The following HIF1A variants were observed in gnomAD, a reference collection of about 807,000 sequenced individuals.
HIF1A encodes the protein hypoxia inducible factor 1 subunit alpha.
In HIF1A, 24 loss-of-function variants were observed where a neutral mutation model predicts 92.7. The observed-to-expected ratio is 0.26, with a 90% CI of 0.19 to 0.36. HIF1A has a LOEUF of 0.36. Ranked by LOEUF, HIF1A falls within the 10% of genes least tolerant of loss-of-function variation. The probability of loss-of-function intolerance (pLI) is 1.00; values close to 1 mark genes in which losing one functional copy is unlikely to be tolerated. For synonymous variants in HIF1A, 319 were observed against 338.7 expected, an observed-to-expected ratio of 0.94 and a Z score of 0.64; for missense variants, 799 against 998.5, an observed-to-expected ratio of 0.80 and a Z score of 2.69.
At chr14:61,704,974 T>G (rs541063311) in intron 1 of HIF1A, among the ~76,000 whole-genome samples, 10 of 152,296 alleles carry the variant, frequency 6.6e-5, no homozygotes, top group African/African-American at 1.7e-4. Flanking sequence ...TGGGTTTAAG[T>G]TTTGTTATTT....
In HIF1A at chr14:61,746,938, A is replaced by G; in HGVS notation, c.2334A>G (p.Leu778=). The part of the protein sequence containing the change: ...QKTIILIPSD[L]ACRLLGQSMD... The stretch of plus-strand genomic sequence containing the variant: ...GGTATCTCTTTTGTTTTTCAGATTT[A>G]GCATGTAGACTGCTGGGGCAATCAA... Residue 778 remains leucine, a synonymous_variant, in exon 15 of 15, where the codon TTA becomes TTG. Coordinates refer to ENST00000337138, the MANE Select transcript of HIF1A (RefSeq NM_001530.4). The G allele has an allele frequency of 6.3e-7, 1 of 1,599,360 alleles. No individual in the cohort carries two copies. Among genetic ancestry groups the G allele is most frequent in the Non-Finnish European group, 8.5e-7 (1 of 1,175,580 alleles).
chr14:61,735,652 G>A (rs912780139), intron 8 of HIF1A, among the ~76,000 whole-genome samples: 3 of 152,244 alleles, frequency 2.0e-5, no homozygotes, highest in South Asian at 2.1e-4. Context: ...CATTTAATAC[G>A]TTAATTAAAG....
intron 1 of HIF1A, among the ~76,000 whole-genome samples, chr14:61,696,729 A>G (rs558763729): frequency 1.3e-5 from 2 of 152,352 alleles, no homozygotes; most frequent in South Asian, 4.1e-4. Context: ...TGAAAAAAGT[A>G]TATGATGAGT....
intron 12 of HIF1A, among the ~76,000 whole-genome samples, chr14:61,743,695 T>G (rs1400846997): frequency 6.6e-6 from 1 of 152,208 alleles, no homozygotes; most frequent in Non-Finnish European, 1.5e-5. Context: ...ATTTGGTTTG[T>G]GGGGTGTCTT....
At chr14:61,716,590 T>A (rs1425943545) in intron 1 of HIF1A, among the ~76,000 whole-genome samples, 1 of 152,158 alleles carries the variant, frequency 6.6e-6, no homozygotes, top group Non-Finnish European at 1.5e-5. Context: ...AATTATTTTG[T>A]GTCCTTTTAT....
At chr14:61,723,793 T>C (rs1033642513) in intron 4 of HIF1A, among the ~76,000 whole-genome samples, 6 of 152,234 alleles carry the variant, frequency 3.9e-5, no homozygotes, top group African/African-American at 1.4e-4. Context: ...TCAGATAGTC[T>C]TAATATAGTT....
At chr14:61,727,948 G>A (rs1170298539) in intron 6 of HIF1A, among the ~76,000 whole-genome samples, 2 of 151,066 alleles carry the variant, frequency 1.3e-5, no homozygotes, top group Admixed American at 6.6e-5. Flanking sequence ...AACCTGGGAG[G>A]TGGATGTTGT....
intron 10 of HIF1A, among the ~76,000 whole-genome samples, chr14:61,739,015 T>C (rs1387551257): frequency 6.6e-6 from 1 of 152,102 alleles, no homozygotes; most frequent in African/African-American, 2.4e-5. Context: ...CCTCCCAAAG[T>C]ACTAGGATTA....
At position 61,695,560 on chromosome 14, in the gene HIF1A, C is replaced by A. The variant is rs117883794; in HGVS notation, c.-245C>A. On this transcript the variant is annotated 5_prime_UTR_variant, in exon 1 of 15. Coordinates refer to ENST00000337138, the MANE Select transcript of HIF1A (RefSeq NM_001530.4). ...GAGGGGACAGGAGGATCACCCTCTTCGTCGCTTCGGCCAGTGTGTCGGGCT... is the reference window on the plus strand; with the variant it reads ...GAGGGGACAGGAGGATCACCCTCTTAGTCGCTTCGGCCAGTGTGTCGGGCT... The A allele has an allele frequency of 0.039, 22,681 of 578,140 alleles. 582 individuals carry two copies. The highest frequency in any genetic ancestry group is 0.056 in the Middle Eastern group (126 of 2,246). The allele number at this position is 578,140 out of a possible 1,614,324, so 35.8% of individuals were successfully genotyped here. A position where few individuals can be genotyped will look rare whatever the true frequency, so the allele number is the denominator to read the frequency against.
chr14:61,702,072 A>G (rs1403479673), intron 1 of HIF1A, among the ~76,000 whole-genome samples: 2 of 152,088 alleles, frequency 1.3e-5, no homozygotes, highest in African/African-American at 2.4e-5. Context: ...GAATTAACAA[A>G]TGAGACAATG....
chr14:61,695,700 G>A lies in HIF1A; in HGVS notation c.-105G>A. The A allele has an allele frequency of 1.6e-6, 2 of 1,288,184 alleles. No homozygotes were observed. Among genetic ancestry groups the A allele is most frequent in the Non-Finnish European group, 2.2e-6 (2 of 922,528 alleles). The allele number at this position is 1,288,184 out of a possible 1,614,324, so 79.8% of individuals were successfully genotyped here. A position where few individuals can be genotyped will look rare whatever the true frequency, so the allele number is the denominator to read the frequency against. ...TTCCCGCCTCGCACCCCCACCTCTGGACTTGCCTTTCCTTCTCTTCTCCGC... is the reference window on the plus strand; with the variant it reads ...TTCCCGCCTCGCACCCCCACCTCTGAACTTGCCTTTCCTTCTCTTCTCCGC... On this transcript the variant is annotated 5_prime_UTR_variant, in exon 1 of 15. Transcript: ENST00000337138.
intron 1 of HIF1A, among the ~76,000 whole-genome samples, chr14:61,713,133 G>T (rs1474354457): frequency 1.3e-5 from 2 of 152,184 alleles, no homozygotes; most frequent in African/African-American, 4.8e-5. Context: ...GCTGAAGAAT[G>T]TGGAAAATGA....
At position 61,747,138 on chromosome 14, in the gene HIF1A, A is replaced by G. The variant is rs1210541354; in HGVS notation, c.*53A>G. 5.5e-6 allele frequency: 8 copies of G among 1,463,308 alleles called. No homozygotes were observed. In the South Asian group the frequency reaches 7.8e-5, roughly 14 times the overall value. 90.6% of individuals were successfully genotyped at this position (1,463,308 alleles called of 1,614,324 possible). ...TGGACACTGGTGGCTCATTACCTAAAGCAGTCTATTTATATTTTCTACATC... is the reference window on the plus strand; with the variant it reads ...TGGACACTGGTGGCTCATTACCTAAGGCAGTCTATTTATATTTTCTACATC... On this transcript the variant is annotated 3_prime_UTR_variant, in exon 15 of 15. Transcript: ENST00000337138.
At position 61,721,782 on chromosome 14, in the gene HIF1A, G is replaced by T; in HGVS notation, c.416G>T (p.Cys139Phe). The T allele has an allele frequency of 6.2e-7, 1 of 1,613,562 alleles. No individual in the cohort carries two copies. Among genetic ancestry groups the T allele is most frequent in the Admixed American group, 1.7e-5 (1 of 60,020 alleles). Residue 139 changes from cysteine (C) to phenylalanine (F), a missense_variant, in exon 4 of 15, where the codon TGT becomes TTT. Transcript: ENST00000337138. Reference protein sequence around the residue: ...GHSVFDFTHPCDHEEMREMLT... With the variant: ...GHSVFDFTHPFDHEEMREMLT... ...AGTGTGTTTGATTTTACTCATCCAT[G>T]TGACCATGAGGAAATGAGAGAAATG...
Position 61,721,870 on chromosome 14 carries a change from T to C in HIF1A, c.457+47T>C, listed in dbSNP as rs2044434846. On this transcript the variant is annotated intron_variant, in intron 4 of 14. Transcript: ENST00000337138. ...ATTTAATGTGACAGGTGGTTTTACA[T>C]AATAAGATACTATTGCTAATTATTA... The C allele has an allele frequency of 2.3e-6, 3 of 1,322,762 alleles. No homozygotes were observed. In the East Asian group the frequency reaches 7.0e-5, roughly 31 times the overall value. 81.9% of individuals were successfully genotyped at this position (1,322,762 alleles called of 1,614,324 possible). A position where few individuals can be genotyped will look rare whatever the true frequency, so the allele number is the denominator to read the frequency against.
At chr14:61,737,878 T>G (rs796875165) in intron 9 of HIF1A, among the ~76,000 whole-genome samples, 8 of 152,026 alleles carry the variant, frequency 5.3e-5, no homozygotes, top group African/African-American at 1.9e-4. Context: ...AATACAAAAG[T>G]TAGCTGGGCG....
At chr14:61,703,267 A>G (rs1024597187) in intron 1 of HIF1A, among the ~76,000 whole-genome samples, 1 of 152,110 alleles carries the variant, frequency 6.6e-6, no homozygotes, top group Non-Finnish European at 1.5e-5. Flanking sequence ...TGTATTTTAG[A>G]GTGTCATTTT....
At chr14:61,743,469 C>G (rs531700770) in intron 12 of HIF1A, among the ~76,000 whole-genome samples, 1 of 152,118 alleles carries the variant, frequency 6.6e-6, no homozygotes, top group African/African-American at 2.4e-5. Context: ...AACGTAATTA[C>G]TAAGTACTAC....
chr14:61,724,349 T>TCTCTCTCTCTCTCTCTCTCTCTCTCTC (rs1555338397), intron 4 of HIF1A, among the ~76,000 whole-genome samples: 2 of 96,096 alleles, frequency 2.1e-5, no homozygotes, highest in African/African-American at 6.9e-5. Context: ...CACACACACA[T>TCTCTCTCTCTCTCTCTCTCTCTCTCTC]TCTCTCTCTC....
Sources: allele counts gnomAD v4.1 joint callset (sites outside exome capture counted in the v4.1 genomes callset), GRCh38; gene constraint gnomAD v4.1.1; transcripts MANE v1.5; gene names NCBI Gene and HGNC (gene_info 2026-07-23, HGNC 2026-07-21).